CXCL13: variants seen among roughly 807,000 people sequenced by gnomAD.
The protein encoded by CXCL13 is C-X-C motif chemokine 13.
CXCL13 carries 7 observed loss-of-function variants against 12.2 expected under a neutral mutation model. The ratio of observed to expected loss-of-function variants is 0.57; its 90% CI spans 0.33 to 1.07. The LOEUF (loss-of-function observed/expected upper bound fraction) is 1.07, where lower values mean the gene tolerates loss of function less well. Among genes scored for constraint, CXCL13 ranks in the 50% least tolerant of loss-of-function variants. The pLI is 0.04. For synonymous variants in CXCL13, 47 were observed against 42.4 expected, an observed-to-expected ratio of 1.11 and a Z score of -0.42; for missense variants, 113 against 127.4, an observed-to-expected ratio of 0.89 and a Z score of 0.55.
intron 1 of CXCL13, among the ~76,000 whole-genome samples, chr4:77,512,841 C>T (rs1298911289): frequency 2.0e-5 from 3 of 152,090 alleles, no homozygotes; most frequent in African/African-American, 7.2e-5. Context: ...AGGTTTCATA[C>T]ATAGGTATAC....
chr4:77,554,923 T>C (rs1025699105), intron 1 of CXCL13, among the ~76,000 whole-genome samples: 3 of 152,082 alleles, frequency 2.0e-5, no homozygotes, highest in East Asian at 3.9e-4. Flanking sequence ...AGGATACAGC[T>C]GAAGCAGTGA....
chr4:77,577,608 G>A lies in CXCL13; in HGVS notation c.-42-28216G>A, dbSNP rs192174260. Among the ~76,000 whole-genome samples, 12 of 152,296 alleles carry A rather than the reference G, an allele frequency of 7.9e-5. No homozygotes were observed. The East Asian group carries it at 1.5e-3, about 20-fold the overall frequency. On this transcript the variant is annotated intron_variant, in intron 1 of 4. Coordinates refer to the CXCL13 transcript ENST00000286758. ...CTATTGACAGCAGTGGAGGTAGGAC[G>A]TACATGGGTCAGAGTGGATATTCCC...
chr4:77,566,108 G>A (rs1001138454), intron 1 of CXCL13, among the ~76,000 whole-genome samples: 1 of 152,158 alleles, frequency 6.6e-6, no homozygotes, highest in Non-Finnish European at 1.5e-5. Context: ...TTCAAGTTTG[G>A]TGATGAAGGC....
intron 1 of CXCL13, among the ~76,000 whole-genome samples, chr4:77,578,212 T>C (rs1043451138): frequency 9.8e-5 from 15 of 152,334 alleles, no homozygotes; most frequent in African/African-American, 3.1e-4. Context: ...TTTTGATATA[T>C]GTTTCCTAAT....
chr4:77,512,988 C>T lies in CXCL13; in HGVS notation c.-43+1200C>T, dbSNP rs570995268. 7.6e-4 allele frequency among the ~76,000 whole-genome samples: 115 copies of T among 152,190 alleles called. 1 individual carries two copies. The highest frequency in any genetic ancestry group is 2.7e-3 in the African/African-American group (112 of 41,540). On this transcript the variant is annotated intron_variant, in intron 1 of 4. Coordinates refer to the CXCL13 transcript ENST00000286758. Reference sequence around the variant, plus strand: ...GTTCCCCATCCTGTGTCCAAGTGTTCTCATAGTTTAATTCCCACCTATGAG... The same window carrying T: ...GTTCCCCATCCTGTGTCCAAGTGTTTTCATAGTTTAATTCCCACCTATGAG...
chr4:77,592,130 G>T (rs1726627643), intron 1 of CXCL13, among the ~76,000 whole-genome samples: 1 of 152,118 alleles, frequency 6.6e-6, no homozygotes, highest in Non-Finnish European at 1.5e-5. Flanking sequence ...AGAGATATCT[G>T]CACCCCCATG....
At chr4:77,600,854 G>A (rs1726866492), upstream of CXCL13, among the ~76,000 whole-genome samples, 1 of 152,004 alleles carries the variant, frequency 6.6e-6, no homozygotes, top group South Asian at 2.1e-4. Context: ...AGATTTTTAG[G>A]GGTTTTTCTC....
intron 1 of CXCL13, among the ~76,000 whole-genome samples, chr4:77,540,737 G>A (rs151204315): frequency 8.5e-5 from 13 of 152,298 alleles, no homozygotes; most frequent in East Asian, 5.8e-4. Context: ...ATGCAAGTGC[G>A]TGTGGTTTTT....
Position 77,607,853 on chromosome 4 carries a change from A to T in CXCL13, c.197+18A>T, listed in dbSNP as rs1727030072. On this transcript the variant is annotated intron_variant, in intron 2 of 3. Coordinates refer to ENST00000682537, the MANE Select transcript of CXCL13 (RefSeq NM_001371558.1). The stretch of plus-strand genomic sequence containing the variant: ...GAAATCATGTAAGTTTCAAGAGAAA[A>T]ATAAATAAGATTTCCTTCTCCCAAT... 1 of 1,611,828 alleles carries T rather than the reference A, an allele frequency of 6.2e-7. No homozygotes were observed. The highest frequency in any genetic ancestry group is 8.5e-7 in the Non-Finnish European group (1 of 1,178,168).
intron 1 of CXCL13, among the ~76,000 whole-genome samples, chr4:77,537,985 G>T (rs1383960343): frequency 2.0e-5 from 3 of 152,268 alleles, no homozygotes; most frequent in Middle Eastern, 3.4e-3. Context: ...TAAGCCCAAA[G>T]TTAGAGCCAT....
intron 3 of CXCL13, 63 bp from the exon 4 acceptor site, chr4:77,610,925 G>A: frequency 1.4e-6 from 2 of 1,457,372 alleles, no homozygotes; most frequent in Non-Finnish European, 1.9e-6. Context: ...ATCTCCAGAG[G>A]AAAGCCACAG....
chr4:77,581,715 C>T (rs558914101), intron 1 of CXCL13, among the ~76,000 whole-genome samples: 21 of 152,304 alleles, frequency 1.4e-4, no homozygotes, highest in African/African-American at 4.1e-4. Flanking sequence ...CAAACCTCTA[C>T]AATCTTTTCC....
chr4:77,556,860 A>T (rs1725671367), intron 1 of CXCL13, among the ~76,000 whole-genome samples: 1 of 152,058 alleles, frequency 6.6e-6, no homozygotes. Context: ...GTACAAAAAA[A>T]ATTAAAATAT....
In CXCL13 at chr4:77,536,655, A is replaced by G. The variant is rs528044880; in HGVS notation, c.-43+24867A>G. Among the ~76,000 whole-genome samples, 45 of 152,360 alleles carry G rather than the reference A, an allele frequency of 3.0e-4. No individual in the cohort carries two copies. In the South Asian group the frequency reaches 5.8e-3, roughly 20 times the overall value. ...AGTAAATACTCCATAAGCATTAGCC[A>G]TTATTATAACACCTAGAAGAAGATT... On this transcript the variant is annotated intron_variant, in intron 1 of 4. Transcript: ENST00000286758.
At chr4:77,538,536 A>G (rs1210689951) in intron 1 of CXCL13, among the ~76,000 whole-genome samples, 1 of 152,002 alleles carries the variant, frequency 6.6e-6, no homozygotes, top group Non-Finnish European at 1.5e-5. Flanking sequence ...CTATAGAAGC[A>G]AAATTGATTA....
intron 1 of CXCL13, among the ~76,000 whole-genome samples, chr4:77,536,238 G>A (rs1725054971): frequency 6.6e-6 from 1 of 152,206 alleles, no homozygotes; most frequent in Non-Finnish European, 1.5e-5. Context: ...ACGATGTAAA[G>A]TAGATGGCAT....
intron 1 of CXCL13, among the ~76,000 whole-genome samples, chr4:77,527,085 A>G (rs1379860364): frequency 6.6e-6 from 1 of 152,228 alleles, no homozygotes; most frequent in African/African-American, 2.4e-5. Context: ...ATTTCAAAAT[A>G]TATCACTGAC....
At chr4:77,521,650 T>C (rs1198191556) in intron 1 of CXCL13, among the ~76,000 whole-genome samples, 1 of 152,180 alleles carries the variant, frequency 6.6e-6, no homozygotes, top group East Asian at 1.9e-4. Context: ...ATTTTGTTGA[T>C]CTTTTAAAAA....
At position 77,549,325 on chromosome 4, in the gene CXCL13, G is replaced by A. The variant is rs528230492; in HGVS notation, c.-43+37537G>A. Among the ~76,000 whole-genome samples the A allele has an allele frequency of 3.3e-5, 5 of 152,302 alleles. No individual in the cohort carries two copies. The East Asian group carries it at 9.7e-4, about 29-fold the overall frequency. On this transcript the variant is annotated intron_variant, in intron 1 of 4. Transcript: ENST00000286758. ...AGAAGTTTATTACCAATCTTCTGAAGCCTAGTTCTGTCAACTCATCAAAGT... is the reference window on the plus strand; with the variant it reads ...AGAAGTTTATTACCAATCTTCTGAAACCTAGTTCTGTCAACTCATCAAAGT...
Sources: allele counts gnomAD v4.1 joint callset (sites outside exome capture counted in the v4.1 genomes callset), GRCh38; gene constraint gnomAD v4.1.1; transcripts MANE v1.5; gene names NCBI Gene and HGNC (gene_info 2026-07-23, HGNC 2026-07-21).